The following EML1 variants were observed in gnomAD, a reference collection of about 807,000 sequenced individuals.
EML1 encodes the protein echinoderm microtubule-associated protein-like 1.
In EML1, 27 loss-of-function variants were observed where a neutral mutation model predicts 110.4. That is an observed-to-expected ratio of 0.24 (90% CI 0.18 to 0.34). The LOEUF (loss-of-function observed/expected upper bound fraction) is 0.34, where lower values mean the gene tolerates loss of function less well. Ranked by LOEUF, EML1 falls within the 10% of genes least tolerant of loss-of-function variation. EML1 has a pLI of 1.00. For synonymous variants in EML1, 344 were observed against 385.8 expected (o/e 0.89, Z 1.27); for missense variants, 741 against 1,030.9 (o/e 0.72, Z 3.85).
chr14:99,857,828 G>T (rs1351472572), intron 2 of EML1, among the ~76,000 whole-genome samples: 1 of 152,134 alleles, frequency 6.6e-6, no homozygotes, highest in Non-Finnish European at 1.5e-5. Flanking sequence ...GGGCATTTCA[G>T]TTGTTAATAA....
chr14:99,858,230 G>C (rs991160053), intron 2 of EML1, among the ~76,000 whole-genome samples: 8 of 150,576 alleles, frequency 5.3e-5, no homozygotes, highest in Admixed American at 5.3e-4. Flanking sequence ...TGTTGCCCAG[G>C]CTGGAGTACA....
intron 5 of EML1, among the ~76,000 whole-genome samples, chr14:99,894,268 A>G (rs562383899): frequency 2.0e-5 from 3 of 152,308 alleles, no homozygotes; most frequent in African/African-American, 7.2e-5. Context: ...CAAAAACTTT[A>G]AGTGGATTTC....
chr14:99,822,092 C>T (rs2058273558), intron 1 of EML1, among the ~76,000 whole-genome samples: 1 of 152,180 alleles, frequency 6.6e-6, no homozygotes, highest in Non-Finnish European at 1.5e-5. Flanking sequence ...TTTTGCAGCC[C>T]TCCAGGTGGT....
chr14:99,763,978 C>T (rs1260124345), intron 1 of EML1, among the ~76,000 whole-genome samples: 1 of 152,110 alleles, frequency 6.6e-6, no homozygotes, highest in Non-Finnish European at 1.5e-5. Flanking sequence ...GTGTTGGGGC[C>T]GCCCTTTTCT....
intron 13 of EML1, among the ~76,000 whole-genome samples, chr14:99,913,588 C>T (rs1470776972): frequency 6.6e-6 from 1 of 152,160 alleles, no homozygotes; most frequent in Non-Finnish European, 1.5e-5. Context: ...GAGGAAAATG[C>T]TTTTTCTTAA....
At chr14:99,876,220 G>T (rs2059288988) in intron 3 of EML1, among the ~76,000 whole-genome samples, 1 of 152,148 alleles carries the variant, frequency 6.6e-6, no homozygotes. Context: ...GGAGCTGCCT[G>T]GATGGGAGGC....
chr14:99,753,081 G>A (rs892848228), intron 1 of EML1, among the ~76,000 whole-genome samples: 2 of 151,968 alleles, frequency 1.3e-5, no homozygotes, highest in African/African-American at 4.8e-5. Flanking sequence ...GGGAAGCAGC[G>A]AAGCCGGCAC....
At chr14:99,791,646 G>A (rs1249375348), upstream of EML1, among the ~76,000 whole-genome samples, 1 of 152,102 alleles carries the variant, frequency 6.6e-6, no homozygotes, top group East Asian at 1.9e-4. Flanking sequence ...CCGGCCCTTG[G>A]TGCCTCATTT....
At chr14:99,811,929 T>G (rs118068780) in intron 1 of EML1, among the ~76,000 whole-genome samples, 4,172 of 151,962 alleles carry the variant, frequency 0.027, 140 homozygotes, top group Non-Finnish European at 0.037. Context: ...GTCTTCAACC[T>G]CATTGTCTTC....
intron 4 of EML1, among the ~76,000 whole-genome samples, chr14:99,890,358 C>T (rs949874270): frequency 6.6e-6 from 1 of 152,202 alleles, no homozygotes; most frequent in African/African-American, 2.4e-5. Context: ...CCTGAGCTCC[C>T]TTGGTCTCCC....
chr14:99,884,447 C>T (rs1167311472), intron 4 of EML1, among the ~76,000 whole-genome samples: 1 of 152,218 alleles, frequency 6.6e-6, no homozygotes, highest in Non-Finnish European at 1.5e-5. Context: ...AGGAGCAGCA[C>T]AGAAAGACTC....
intron 1 of EML1, among the ~76,000 whole-genome samples, chr14:99,743,664 GCA>G (rs1428458074): frequency 6.6e-6 from 1 of 152,142 alleles, no homozygotes; most frequent in Non-Finnish European, 1.5e-5. Flanking sequence ...CACTCACTCG[GCA>G]CACGAACCTC....
rs188872803 is a variant in EML1 at position 99,754,451 on chromosome 14, G to A, written c.28+16591G>A. Among the ~76,000 whole-genome samples the A allele has an allele frequency of 8.5e-5, 13 of 152,326 alleles. No individual in the cohort carries two copies. In the East Asian group the frequency reaches 2.3e-3, roughly 27 times the overall value. ...CTCCACCAGACCTCTGGGTGGGGCC[G>A]TGACTCCCAGACCAGCCTGCCTGGC... On this transcript the variant is annotated intron_variant, in intron 1 of 10. Coordinates refer to the EML1 transcript ENST00000554479.
Position 99,936,496 on chromosome 14 carries a change from G to A in EML1, c.2095+162G>A, listed in dbSNP as rs1455980137. Among the ~76,000 whole-genome samples, 4 of 152,130 alleles carry A rather than the reference G, an allele frequency of 2.6e-5. No individual in the cohort carries two copies. Among genetic ancestry groups the A allele is most frequent in the South Asian group, 4.1e-4 (2 of 4,824 alleles). On this transcript the variant is annotated intron_variant, in intron 19 of 21. Transcript: ENST00000262233. The surrounding 1 kb of genome is among the most constrained non-coding windows in gnomAD (Gnocchi z 5.5). ...CTGTAACGTAGGGGAGTGGGGCTGC[G>A]TGGCTTCTTGGGTCCTTCCCGGTTT...
intron 1 of EML1, among the ~76,000 whole-genome samples, chr14:99,774,980 T>G (rs2057465902): frequency 6.6e-6 from 1 of 152,068 alleles, no homozygotes; most frequent in East Asian, 1.9e-4. Context: ...TGGAAAGTAG[T>G]CCAGTGATCA....
chr14:99,836,097 A>G (rs1233510213), intron 1 of EML1, among the ~76,000 whole-genome samples: 1 of 152,212 alleles, frequency 6.6e-6, no homozygotes, highest in East Asian at 1.9e-4. Flanking sequence ...TTGGGAATGC[A>G]TTGAATCTGT....
intron 7 of EML1, among the ~76,000 whole-genome samples, chr14:99,897,827 G>C (rs770253103): frequency 2.6e-5 from 4 of 152,144 alleles, no homozygotes; most frequent in Non-Finnish European, 5.9e-5. Context: ...GGATGGATGC[G>C]TGAAGAGATG....
intron 2 of EML1, among the ~76,000 whole-genome samples, chr14:99,853,036 G>T (rs1373514698): frequency 6.6e-6 from 1 of 152,138 alleles, no homozygotes; most frequent in Non-Finnish European, 1.5e-5. Flanking sequence ...TAAATCTTCA[G>T]ACCTCTAAAA....
chr14:99,780,502 C>A (rs556842437), intron 1 of EML1, among the ~76,000 whole-genome samples: 1 of 152,076 alleles, frequency 6.6e-6, no homozygotes, highest in Non-Finnish European at 1.5e-5. Flanking sequence ...TTCTTCCATC[C>A]TCTCTGTCCT....
Sources: gnomAD v4.1 joint callset for allele counts (sites outside exome capture counted in the v4.1 genomes callset) on GRCh38, gnomAD v4.1.1 for gene constraint, Gnocchi (gnomAD v3.1) non-coding constraint, MANE v1.5 for transcripts, NCBI Gene and HGNC (gene_info 2026-07-23, HGNC 2026-07-21) for gene names.